The following FAM219A variants were observed in gnomAD, a reference collection of about 807,000 sequenced individuals.
FAM219A encodes family with sequence similarity 219 member A, also known as protein FAM219A.
A neutral mutation model predicts 23.4 loss-of-function variants in FAM219A; 7 were observed. The ratio of observed to expected loss-of-function variants is 0.30; its 90% CI spans 0.17 to 0.56. The LOEUF (loss-of-function observed/expected upper bound fraction) is 0.56. Ranked by LOEUF, FAM219A falls within the 20% of genes least tolerant of loss-of-function variation. The pLI is 0.92. For synonymous variants in FAM219A, 93 were observed against 99.0 expected, an observed-to-expected ratio of 0.94 and a Z score of 0.36; for missense variants, 166 against 246.9, an observed-to-expected ratio of 0.67 and a Z score of 2.20.
chr9:34,439,934 A>C (rs961639436), intron 1 of FAM219A, among the ~76,000 whole-genome samples: 1 of 152,202 alleles, frequency 6.6e-6, no homozygotes, highest in South Asian at 2.1e-4. Context: ...GTTTACTTTC[A>C]TGTGGATAAA....
At chr9:34,412,986 G>A (rs1158791942) in intron 1 of FAM219A, among the ~76,000 whole-genome samples, 2 of 152,178 alleles carry the variant, frequency 1.3e-5, no homozygotes, top group African/African-American at 2.4e-5. Flanking sequence ...GAGCTTTAGA[G>A]TTCTAGAATT....
intron 1 of FAM219A, among the ~76,000 whole-genome samples, chr9:34,431,815 C>G (rs1024750137): frequency 2.0e-5 from 3 of 152,212 alleles, no homozygotes; most frequent in South Asian, 4.1e-4. Context: ...AAACTTACTC[C>G]TACTATCTAG....
At chr9:34,416,814 T>TG (rs1470457588) in intron 1 of FAM219A, among the ~76,000 whole-genome samples, 10 of 147,634 alleles carry the variant, frequency 6.8e-5, no homozygotes, top group African/African-American at 2.2e-4. Context: ...CTCCATTTTT[T>TG]TTTTTTTTTT....
intron 2 of FAM219A, among the ~76,000 whole-genome samples, chr9:34,405,402 G>A (rs1042746411): frequency 3.9e-5 from 6 of 152,240 alleles, no homozygotes; most frequent in Admixed American, 2.0e-4. Context: ...AACTCCCCCA[G>A]ATAGGTGCCA....
intron 1 of FAM219A, among the ~76,000 whole-genome samples, chr9:34,412,202 T>C (rs1199328860): frequency 2.0e-5 from 3 of 152,090 alleles, no homozygotes; most frequent in Non-Finnish European, 2.9e-5. Flanking sequence ...AGGAAACTAC[T>C]GCAACAATGC....
intron 1 of FAM219A, among the ~76,000 whole-genome samples, chr9:34,439,368 C>G (rs540497041): frequency 4.6e-5 from 7 of 152,176 alleles, no homozygotes; most frequent in Non-Finnish European, 8.8e-5. Flanking sequence ...TTCAGTCATT[C>G]ATTCATTCAA....
rs1821372767 is a variant in FAM219A at position 34,400,350 on chromosome 9, G to C, written c.*614C>G. ...AGAGTGCAAGGAAGCGGGTGAATGG[G>C]GCAAGAGGAGGAAGAAGGCAGTGAT... On this transcript the variant is annotated 3_prime_UTR_variant, in exon 6 of 6. Transcript: ENST00000651358. 1 of 152,530 alleles carries C rather than the reference G, an allele frequency of 6.6e-6. No homozygotes were observed. The highest frequency in any genetic ancestry group is 2.1e-4 in the South Asian group (1 of 4,836). 9.4% of individuals were successfully genotyped at this position (152,530 alleles called of 1,614,324 possible). A position where few individuals can be genotyped will look rare whatever the true frequency, so the allele number is the denominator to read the frequency against.
chr9:34,408,415 T>C (rs565621538), intron 1 of FAM219A, among the ~76,000 whole-genome samples: 1 of 152,330 alleles, frequency 6.6e-6, no homozygotes, highest in South Asian at 2.1e-4. Context: ...GACTGCTCAC[T>C]GCAAAGCAGC....
chr9:34,436,916 A>G (rs1822943899), intron 1 of FAM219A, among the ~76,000 whole-genome samples: 1 of 152,232 alleles, frequency 6.6e-6, no homozygotes, highest in South Asian at 2.1e-4. Context: ...CCTGGCATGA[A>G]CAACAAAGGG....
At chr9:34,434,897 G>A (rs1822846150) in intron 1 of FAM219A, among the ~76,000 whole-genome samples, 2 of 152,084 alleles carry the variant, frequency 1.3e-5, no homozygotes, top group Non-Finnish European at 2.9e-5. Flanking sequence ...TCAGTTCACT[G>A]TAACCTCCAC....
At chr9:34,401,550 A>G in intron 5 of FAM219A, 116 bp downstream of exon 5, 2 of 1,223,728 alleles carry the variant, frequency 1.6e-6, no homozygotes, top group South Asian at 2.7e-5. Flanking sequence ...GCAGGGCACC[A>G]CCCAGCCTTG....
At chr9:34,443,977 TG>T (rs1405570831) in intron 1 of FAM219A, among the ~76,000 whole-genome samples, 2 of 152,206 alleles carry the variant, frequency 1.3e-5, no homozygotes, top group African/African-American at 4.8e-5. Flanking sequence ...ACCCTCAACT[TG>T]GTCTCCCTCC....
intron 1 of FAM219A, among the ~76,000 whole-genome samples, chr9:34,406,641 T>C (rs1821645927): frequency 6.6e-6 from 1 of 152,182 alleles, no homozygotes. Flanking sequence ...AGTTAGTCTT[T>C]TGCTGCCCAG....
intron 1 of FAM219A, among the ~76,000 whole-genome samples, chr9:34,441,276 G>C (rs1442829009): frequency 2.0e-5 from 3 of 152,194 alleles, no homozygotes; most frequent in African/African-American, 4.8e-5. Context: ...AGCCCTTGCT[G>C]AACTCTCTCC....
At chr9:34,405,767 C>A in intron 2 of FAM219A, 98 bp downstream of exon 2, 1 of 1,209,788 alleles carries the variant, frequency 8.3e-7, no homozygotes, top group Non-Finnish European at 1.2e-6. Context: ...TTGGAATCAT[C>A]TAGGCTGAGC....
chr9:34,444,378 T>G (rs540632561), intron 1 of FAM219A, among the ~76,000 whole-genome samples: 5 of 152,290 alleles, frequency 3.3e-5, no homozygotes, highest in South Asian at 4.1e-4. Context: ...CCCAGAGACT[T>G]TCTCCATTTC....
rs10972101 is a variant in FAM219A at position 34,417,752 on chromosome 9, C to T, written c.61-11788G>A. 0.077 allele frequency among the ~76,000 whole-genome samples: 11,783 copies of T among 152,258 alleles called. 618 individuals carry two copies. The highest frequency in any genetic ancestry group is 0.12 in the Non-Finnish European group (8,064 of 68,010). ...CTTCCATGAGAGCTCTGTTCCAGTC[C>T]TCATTTACCTGGTTCCCTCTGGGAA... is the stretch of plus-strand genomic sequence containing the variant. On this transcript the variant is annotated intron_variant, in intron 1 of 5. Coordinates refer to ENST00000651358, the MANE Select transcript of FAM219A (RefSeq NM_001184940.2). The surrounding 1 kb of genome is among the most constrained non-coding windows in gnomAD (Gnocchi z 4.1).
At chr9:34,436,286 C>G (rs1822916061) in intron 1 of FAM219A, among the ~76,000 whole-genome samples, 1 of 151,890 alleles carries the variant, frequency 6.6e-6, no homozygotes, top group African/African-American at 2.4e-5. Flanking sequence ...CACTCTGTCA[C>G]TCAAGCTGGA....
chr9:34,409,277 G>A (rs976701519), intron 1 of FAM219A, among the ~76,000 whole-genome samples: 1 of 152,238 alleles, frequency 6.6e-6, no homozygotes, highest in African/African-American at 2.4e-5. Context: ...CTTCCTCTAT[G>A]TCTTCCCTTA....
Sources: allele counts gnomAD v4.1 joint callset (sites outside exome capture counted in the v4.1 genomes callset), GRCh38; gene constraint gnomAD v4.1.1; non-coding constraint Gnocchi (gnomAD v3.1); transcripts MANE v1.5; gene names NCBI Gene and HGNC (gene_info 2026-07-23, HGNC 2026-07-21).